Variants in NTM observed in about 807,000 individuals in gnomAD.
NTM encodes neurotrimin, also known as IgLON family member 2.
NTM carries 13 observed loss-of-function variants against 42.1 expected under a neutral mutation model. The observed-to-expected ratio is 0.31, with a 90% CI of 0.20 to 0.49. NTM has a LOEUF of 0.49. Among genes scored for constraint, NTM ranks in the 20% least tolerant of loss-of-function variants. The pLI is 0.99. For missense variants in NTM, 373 were observed against 452.8 expected (o/e 0.82, Z 1.60); for synonymous variants, 187 against 179.2 (o/e 1.04, Z -0.35).
chr11:131,805,776 C>T (rs2092447346), intron 1 of NTM, among the ~76,000 whole-genome samples: 1 of 152,176 alleles, frequency 6.6e-6, no homozygotes, highest in East Asian at 1.9e-4. Flanking sequence ...TCACATTTCT[C>T]TTGCCAGCAG....
At position 131,587,072 on chromosome 11, in the gene NTM, G is replaced by A. The variant is rs1262603586; in HGVS notation, c.82+216184G>A. 2.6e-5 allele frequency among the ~76,000 whole-genome samples: 4 copies of A among 152,174 alleles called. No homozygotes were observed. In the East Asian group the frequency reaches 5.8e-4, roughly 22 times the overall value. Reference sequence around the variant, plus strand: ...TAACTACACCCAGTCATTACTCCACGTGACTTGCATTGTATTATCTCATTT... The same window carrying A: ...TAACTACACCCAGTCATTACTCCACATGACTTGCATTGTATTATCTCATTT... On this transcript the variant is annotated intron_variant, in intron 1 of 8. Coordinates refer to ENST00000683400, the MANE Select transcript of NTM (RefSeq NM_001352005.2).
chr11:132,130,999 A>G (rs1476554015), intron 2 of NTM, among the ~76,000 whole-genome samples: 2 of 152,202 alleles, frequency 1.3e-5, no homozygotes, highest in Non-Finnish European at 2.9e-5. Context: ...GTGAGATATG[A>G]ATTATATGAG....
At chr11:131,733,441 C>T (rs1349855620) in intron 1 of NTM, among the ~76,000 whole-genome samples, 1 of 147,070 alleles carries the variant, frequency 6.8e-6, no homozygotes, top group Admixed American at 6.7e-5. Context: ...TGTAAAATGT[C>T]TTTTCCTTCC....
At chr11:132,315,268 T>G (rs1047941050) in intron 7 of NTM, among the ~76,000 whole-genome samples, 3 of 152,182 alleles carry the variant, frequency 2.0e-5, no homozygotes, top group Non-Finnish European at 2.9e-5. Context: ...TCGTCACATA[T>G]CTGGCTACTG....
intron 1 of NTM, among the ~76,000 whole-genome samples, chr11:131,503,527 AT>A (rs34452341): frequency 7.1e-4 from 103 of 145,936 alleles, no homozygotes; most frequent in South Asian, 2.2e-3. Flanking sequence ...TGAGGTTACA[AT>A]TTTTTTTTTT....
chr11:131,908,538 T>G (rs1464654317), intron 1 of NTM, among the ~76,000 whole-genome samples: 1 of 152,208 alleles, frequency 6.6e-6, no homozygotes, highest in Non-Finnish European at 1.5e-5. Flanking sequence ...TGAGCCCCTC[T>G]CCTTTCCCCA....
chr11:131,938,074 A>G lies in NTM; in HGVS notation c.167+26426A>G, dbSNP rs74660939. The stretch of plus-strand genomic sequence containing the variant: ...AACACGTATCGGGTGCTTACTACGC[A>G]CTGGACAGGATTGTAAGTGGTCAGG... On this transcript the variant is annotated intron_variant, in intron 2 of 8. Coordinates refer to ENST00000683400, the MANE Select transcript of NTM (RefSeq NM_001352005.2). Among the ~76,000 whole-genome samples the G allele has an allele frequency of 5.7e-3, 865 of 152,320 alleles. 11 individuals carry two copies. Among genetic ancestry groups the G allele is most frequent in the African/African-American group, 0.02 (820 of 41,572 alleles).
chr11:131,376,897 C>CTACGTTCGG (rs1942045282), intron 1 of NTM, among the ~76,000 whole-genome samples: 1 of 152,164 alleles, frequency 6.6e-6, no homozygotes, highest in South Asian at 2.1e-4. Flanking sequence ...TGAGTGTCTA[C>CTACGTTCGG]TACGTTCGGT....
At chr11:131,461,428 A>C (rs1225402941) in intron 1 of NTM, among the ~76,000 whole-genome samples, 1 of 152,206 alleles carries the variant, frequency 6.6e-6, no homozygotes, top group African/African-American at 2.4e-5. Context: ...AAGACAGCTA[A>C]AGAAAAGTAT....
intron 1 of NTM, among the ~76,000 whole-genome samples, chr11:131,498,062 T>C (rs771839313): frequency 1.3e-5 from 2 of 152,200 alleles, no homozygotes; most frequent in Non-Finnish European, 2.9e-5. Context: ...GTGTGTTCTC[T>C]CCGTTTCTCC....
chr11:131,853,007 A>G (rs571503841), intron 1 of NTM, among the ~76,000 whole-genome samples: 1 of 150,932 alleles, frequency 6.6e-6, no homozygotes, highest in South Asian at 2.1e-4. Flanking sequence ...CCTACCACCC[A>G]TCCATTTATT....
At chr11:131,819,522 C>A (rs538563368) in intron 1 of NTM, among the ~76,000 whole-genome samples, 5 of 152,202 alleles carry the variant, frequency 3.3e-5, no homozygotes, top group Non-Finnish European at 7.3e-5. Context: ...GAGAGACATA[C>A]ATAAAAAATC....
intron 3 of NTM, among the ~76,000 whole-genome samples, chr11:132,171,677 C>G (rs1371860299): frequency 6.6e-6 from 1 of 152,170 alleles, no homozygotes; most frequent in Non-Finnish European, 1.5e-5. Context: ...TCTATTTTCT[C>G]TTTGATTCTT....
Position 131,843,895 on chromosome 11 carries a change from C to CT in NTM, c.83-67661dup, listed in dbSNP as rs368465629. On this transcript the variant is annotated intron_variant, in intron 1 of 8. Coordinates refer to ENST00000683400, the MANE Select transcript of NTM (RefSeq NM_001352005.2). ...TATTGGTTGGTTGGGATTTTATTCT[C>CT]TTTTTTTTCACATTTTCGATATGAA... is the stretch of plus-strand genomic sequence containing the variant. Among the ~76,000 whole-genome samples, 265 of 144,478 alleles carry CT rather than the reference C, an allele frequency of 1.8e-3. 1 individual carries two copies. The highest frequency in any genetic ancestry group is 6.5e-3 in the African/African-American group (247 of 38,202). 94.8% of individuals were successfully genotyped at this position (144,478 alleles called of 152,430 possible).
At chr11:132,062,577 T>TA (rs751046138) in intron 2 of NTM, among the ~76,000 whole-genome samples, 2 of 151,602 alleles carry the variant, frequency 1.3e-5, no homozygotes, top group African/African-American at 4.8e-5. Context: ...GACTTCACTC[T>TA]AAAAAAAATA....
intron 1 of NTM, chr11:131,663,144 A>G (rs1386492614): frequency 6.6e-6 from 1 of 152,138 alleles, no homozygotes; most frequent in African/African-American, 2.4e-5. Flanking sequence ...ACACACATTC[A>G]TATTCCTACA....
intron 1 of NTM, among the ~76,000 whole-genome samples, chr11:131,517,865 A>G (rs993910709): frequency 6.6e-6 from 1 of 151,980 alleles, no homozygotes; most frequent in Non-Finnish European, 1.5e-5. Flanking sequence ...CCAATGTTGC[A>G]TGGTCCATCT....
At chr11:132,316,491 G>A (rs2095433222) in intron 7 of NTM, among the ~76,000 whole-genome samples, 1 of 152,222 alleles carries the variant, frequency 6.6e-6, no homozygotes, top group Non-Finnish European at 1.5e-5. Context: ...ACATGGAAAA[G>A]TAGTAGTATG....
intron 2 of NTM, among the ~76,000 whole-genome samples, chr11:131,973,370 T>C (rs2134734258): frequency 6.6e-6 from 1 of 152,354 alleles, no homozygotes; most frequent in South Asian, 2.1e-4. Flanking sequence ...CTTTACAGCA[T>C]GTGGAATAGT....
Sources: gnomAD v4.1 joint callset for allele counts (sites outside exome capture counted in the v4.1 genomes callset) on GRCh38, gnomAD v4.1.1 for gene constraint, MANE v1.5 for transcripts, NCBI Gene and HGNC (gene_info 2026-07-23, HGNC 2026-07-21) for gene names.